BBOF1: variants seen among roughly 807,000 people sequenced by gnomAD.
BBOF1 encodes the protein basal body orientation factor 1.
In BBOF1, 62 loss-of-function variants were observed where a neutral mutation model predicts 68.0. That is an observed-to-expected ratio of 0.91 (90% confidence interval 0.74 to 1.13). BBOF1 has a LOEUF of 1.13. Among genes scored for constraint, BBOF1 ranks in the 50% most tolerant of loss-of-function variants. BBOF1 has a pLI of 0.00. For missense variants in BBOF1, 534 were observed against 600.1 expected, an observed-to-expected ratio of 0.89 and a Z score of 1.15; for synonymous variants, 208 against 198.8, an observed-to-expected ratio of 1.05 and a Z score of -0.39.
intron 11 of BBOF1, among the ~76,000 whole-genome samples, chr14:74,062,598 C>CA (rs887600653): frequency 6.6e-6 from 1 of 151,994 alleles, no homozygotes; most frequent in Non-Finnish European, 1.5e-5. Context: ...AAGATTCCAT[C>CA]AAAAAAACCC....
intron 3 of BBOF1, among the ~76,000 whole-genome samples, chr14:74,030,373 A>G (rs184327369): frequency 6.6e-6 from 1 of 151,762 alleles, no homozygotes; most frequent in African/African-American, 2.4e-5. Context: ...CTTTTTATTT[A>G]TTTATTTTTA....
At chr14:74,049,579 T>G in intron 7 of BBOF1, 123 bp from the exon 8 acceptor site, 1 of 807,852 alleles carries the variant, frequency 1.2e-6, no homozygotes. Flanking sequence ...GGAGAATTGC[T>G]TGAACCCAGG....
At chr14:74,037,326 C>T (rs11848763) in intron 4 of BBOF1, among the ~76,000 whole-genome samples, 22,219 of 125,984 alleles carry the variant, frequency 0.18, 2,230 homozygotes, top group East Asian at 0.59. Context: ...GAGTCTCGCT[C>T]TTTTACCCAG....
At chr14:74,032,118 A>ATTTTTTTTTT (rs780515040) in intron 3 of BBOF1, among the ~76,000 whole-genome samples, 3 of 99,678 alleles carry the variant, frequency 3.0e-5, no homozygotes, top group Admixed American at 1.1e-4. Context: ...CTCAAAGTTG[A>ATTTTTTTTTT]TTTTTTTTTT....
At chr14:74,062,689 C>T (rs964810380) in intron 11 of BBOF1, among the ~76,000 whole-genome samples, 3 of 152,216 alleles carry the variant, frequency 2.0e-5, no homozygotes, top group East Asian at 3.9e-4. Context: ...ACTTCTTAAC[C>T]ATTTGGCCAC....
chr14:74,055,483 A>G, intron 8 of BBOF1, 101 bp from the exon 9 acceptor site: 1 of 783,086 alleles, frequency 1.3e-6, no homozygotes, highest in East Asian at 2.6e-5. Flanking sequence ...TATGGTGTGG[A>G]ATTTATCCTA....
chr14:74,055,037 T>A (rs2060157809), intron 8 of BBOF1: 1 of 153,068 alleles, frequency 6.5e-6, no homozygotes, highest in African/African-American at 2.4e-5. Context: ...TGTTAAAGTT[T>A]TTGTCATTTT....
At chr14:74,037,538 C>G (rs1395011563) in intron 4 of BBOF1, among the ~76,000 whole-genome samples, 5 of 150,082 alleles carry the variant, frequency 3.3e-5, no homozygotes, top group Non-Finnish European at 7.4e-5. Flanking sequence ...AGTCTGCCTG[C>G]CTGGGCCTCA....
At chr14:74,021,670 G>T (rs571199430) in intron 1 of BBOF1, among the ~76,000 whole-genome samples, 1 of 151,500 alleles carries the variant, frequency 6.6e-6, no homozygotes, top group East Asian at 1.9e-4. Context: ...TTGACTTTTT[G>T]TCCAAGACCT....
In BBOF1 at chr14:74,057,194, T is replaced by C. The variant is rs1357893777; in HGVS notation, c.1514T>C (p.Ile505Thr). The change falls in exon 11 of 12, where the codon ATA becomes ACA. Residue 505 changes from isoleucine to threonine, a missense_variant. Transcript: ENST00000394009. ...DKIFITQQIA[I>T]SDSSGEVVLP... is the part of the protein sequence containing the mutation. ...ATCTTCATCACCCAGCAAATTGCAA[T>C]ATCAGACTCTTCTGGTGAAGTGGTG... is the stretch of plus-strand genomic sequence containing the variant. 6.2e-7 allele frequency: 1 copy of C among 1,613,898 alleles called. No homozygotes were observed. The highest frequency in any genetic ancestry group is 8.5e-7 in the Non-Finnish European group (1 of 1,179,900).
At chr14:74,035,564 T>C (rs1349182269) in intron 4 of BBOF1, among the ~76,000 whole-genome samples, 1 of 145,472 alleles carries the variant, frequency 6.9e-6, no homozygotes, top group Non-Finnish European at 1.5e-5. Context: ...ATTACAGGCG[T>C]GCACCACCAC....
intron 11 of BBOF1, chr14:74,058,065 C>T (rs1455381143): frequency 4.1e-5 from 12 of 294,644 alleles, no homozygotes; most frequent in South Asian, 1.3e-4. Context: ...CGGTGGTTCA[C>T]GCCTGTAATC....
intron 11 of BBOF1, chr14:74,059,399 A>G (rs546575914): frequency 2.2e-6 from 1 of 456,262 alleles, no homozygotes; most frequent in East Asian, 7.0e-5. Context: ...TTTTCTAAGA[A>G]AATTATTTGC....
chr14:74,045,988 A>G (rs1162790604), intron 5 of BBOF1, 72 bp from the exon 6 acceptor site: 16 of 1,362,136 alleles, frequency 1.2e-5, no homozygotes, highest in Non-Finnish European at 1.6e-5. Context: ...ACATTCTAAA[A>G]TAAATATCTT....
chr14:74,019,586 C>CG, intron 1 of BBOF1, 52 bp downstream of exon 1: 1 of 1,551,264 alleles, frequency 6.4e-7, no homozygotes, highest in Non-Finnish European at 8.7e-7. Context: ...CCTGGGATTT[C>CG]GGGTCTGGGG....
chr14:74,038,407 AT>A (rs201370950), intron 4 of BBOF1, among the ~76,000 whole-genome samples: 3,832 of 152,230 alleles, frequency 0.025, 79 homozygotes, highest in Non-Finnish European at 0.036. Flanking sequence ...CCATGTTGTA[AT>A]TTTTTTAAAG....
At chr14:74,069,095 CTTTT>C (rs888161921), downstream of BBOF1, 12 of 633,222 alleles carry the variant, frequency 1.9e-5, no homozygotes, top group African/African-American at 2.4e-5. Flanking sequence ...TTTTCTTTTA[CTTTT>C]TCTTTTTTTT....
chr14:74,072,415 T>C (rs1566833942), intron 9 of BBOF1: 5 of 1,613,998 alleles, frequency 3.1e-6, no homozygotes, highest in Non-Finnish European at 4.2e-6. Context: ...CCTTCTCCAC[T>C]GTACATCCAG....
chr14:74,045,195 G>T (rs1341476877), intron 5 of BBOF1, among the ~76,000 whole-genome samples: 1 of 152,138 alleles, frequency 6.6e-6, no homozygotes, highest in East Asian at 1.9e-4. Flanking sequence ...TTATTGTTTA[G>T]ATTTCACCCT....
Sources: gnomAD v4.1 joint callset for allele counts (sites outside exome capture counted in the v4.1 genomes callset) on GRCh38, gnomAD v4.1.1 for gene constraint, MANE v1.5 for transcripts, NCBI Gene and HGNC (gene_info 2026-07-23, HGNC 2026-07-21) for gene names.